Variants in GALNTL6 observed in about 807,000 individuals in gnomAD.
GALNTL6 encodes the protein polypeptide N-acetylgalactosaminyltransferase like 6, also known as polypeptide N-acetylgalactosaminyltransferase-like 6.
Under a neutral mutation model 73.7 loss-of-function variants are expected in GALNTL6, and 46 were observed. The observed-to-expected ratio is 0.62, with a 90% CI of 0.49 to 0.80. The LOEUF is 0.80. Ranked by LOEUF, GALNTL6 falls within the 30% of genes least tolerant of loss-of-function variation. The probability of loss-of-function intolerance (pLI) is 0.00; values close to 1 mark genes in which losing one functional copy is unlikely to be tolerated. For synonymous variants in GALNTL6, 259 were observed against 263.7 expected, an observed-to-expected ratio of 0.98 and a Z score of 0.17; for missense variants, 604 against 755.0, an observed-to-expected ratio of 0.80 and a Z score of 2.34.
chr4:172,832,871 C>T (rs544468163), intron 7 of GALNTL6, among the ~76,000 whole-genome samples: 2 of 152,150 alleles, frequency 1.3e-5, no homozygotes, highest in African/African-American at 4.8e-5. Flanking sequence ...ACAGGTGGTG[C>T]TTGTCTCACC....
chr4:172,716,265 A>G (rs547592717), intron 5 of GALNTL6, among the ~76,000 whole-genome samples: 1 of 152,278 alleles, frequency 6.6e-6, no homozygotes, highest in Non-Finnish European at 1.5e-5. Flanking sequence ...TCCCTGGGCT[A>G]AGAAGCCCTG....
intron 5 of GALNTL6, among the ~76,000 whole-genome samples, chr4:172,733,737 C>T (rs1736287591): frequency 6.6e-6 from 1 of 152,168 alleles, no homozygotes. Context: ...ATTGTGAGGC[C>T]TCCCCAGCCA....
At chr4:172,488,588 T>C (rs1028220353) in intron 5 of GALNTL6, among the ~76,000 whole-genome samples, 3 of 152,102 alleles carry the variant, frequency 2.0e-5, no homozygotes, top group African/African-American at 7.2e-5. Context: ...CCCAAGAAAC[T>C]AGGAAGAAGC....
chr4:172,464,713 A>G (rs940194732), intron 5 of GALNTL6, among the ~76,000 whole-genome samples: 3 of 151,460 alleles, frequency 2.0e-5, no homozygotes, highest in Non-Finnish European at 2.9e-5. Context: ...TGTCTCAAAA[A>G]TAATAATAAT....
intron 7 of GALNTL6, among the ~76,000 whole-genome samples, chr4:172,859,252 A>G (rs1744271717): frequency 6.6e-6 from 1 of 152,186 alleles, no homozygotes; most frequent in Admixed American, 6.5e-5. Context: ...GCCTTGTTGA[A>G]GGAAAATTAT....
rs1483542771 is a variant in GALNTL6 at position 172,719,053 on chromosome 4, C to T, written c.554-90308C>T. On this transcript the variant is annotated intron_variant, in intron 5 of 12. Coordinates refer to ENST00000506823, the MANE Select transcript of GALNTL6 (RefSeq NM_001034845.3). ...GGCAAATGGCCAGACACCTTTCTTT[C>T]GAAAGACATCAAAACGAGTTACCCT... 4.6e-5 allele frequency among the ~76,000 whole-genome samples: 7 copies of T among 152,070 alleles called. No homozygotes were observed. The South Asian group carries it at 1.0e-3, about 23-fold the overall frequency.
intron 5 of GALNTL6, among the ~76,000 whole-genome samples, chr4:172,737,289 T>A (rs938363304): frequency 1.3e-5 from 2 of 152,118 alleles, no homozygotes; most frequent in Non-Finnish European, 2.9e-5. Flanking sequence ...TTGCAGGTGG[T>A]CTTTATTCCT....
rs1312424887 is a variant in GALNTL6, at chr4:172,158,371, CG to C, written c.139-71284del. Among the ~76,000 whole-genome samples the C allele has an allele frequency of 3.3e-5, 5 of 151,596 alleles. No individual in the cohort carries two copies. In the East Asian group the frequency reaches 7.7e-4, roughly 23 times the overall value. ...TTCCCTTTGTGCTGAACTACTTTCC[CG>C]CAGTACATAATTTTCCCCTGGTTAC... On this transcript the variant is annotated intron_variant, in intron 2 of 12. Coordinates refer to ENST00000506823, the MANE Select transcript of GALNTL6 (RefSeq NM_001034845.3).
intron 2 of GALNTL6, among the ~76,000 whole-genome samples, chr4:172,058,900 C>T (rs757334688): frequency 6.6e-6 from 1 of 152,160 alleles, no homozygotes; most frequent in African/African-American, 2.4e-5. Context: ...GATCATTTCT[C>T]TCTTCCAATT....
At chr4:173,017,515 C>T (rs540368913) in intron 11 of GALNTL6, among the ~76,000 whole-genome samples, 8 of 151,996 alleles carry the variant, frequency 5.3e-5, no homozygotes. Flanking sequence ...GACTCAATGC[C>T]TGATTGGTTT....
intron 5 of GALNTL6, among the ~76,000 whole-genome samples, chr4:172,487,315 T>C (rs999369589): frequency 0.015 from 1,775 of 118,582 alleles, 39 homozygotes; most frequent in African/African-American, 0.032. Flanking sequence ...TCTTTCTTTC[T>C]TTCTTTCTTT....
At chr4:171,858,227 A>T (rs968759025) in intron 2 of GALNTL6, among the ~76,000 whole-genome samples, 1 of 152,132 alleles carries the variant, frequency 6.6e-6, no homozygotes, top group Non-Finnish European at 1.5e-5. Flanking sequence ...TTGTATGATC[A>T]TTTTAAGGTA....
intron 10 of GALNTL6, among the ~76,000 whole-genome samples, chr4:172,961,505 G>A (rs534621893): frequency 2.8e-4 from 42 of 152,276 alleles, no homozygotes; most frequent in African/African-American, 7.7e-4. Context: ...CTGAAATGTG[G>A]GTGAATAATC....
At position 171,898,876 on chromosome 4, in the gene GALNTL6, A is replaced by G. The variant is rs144487842; in HGVS notation, c.138+84158A>G. On this transcript the variant is annotated intron_variant, in intron 2 of 12. Coordinates refer to ENST00000506823, the MANE Select transcript of GALNTL6 (RefSeq NM_001034845.3). ...TTGTATATAAATTGTATCAAAATAA[A>G]CTATGGGGAACAATAAGCTATTTGC... is the stretch of plus-strand genomic sequence containing the variant. 2.7e-3 allele frequency among the ~76,000 whole-genome samples: 409 copies of G among 152,194 alleles called. 3 individuals are homozygous for G. Among genetic ancestry groups the G allele is most frequent in the African/African-American group, 9.3e-3 (387 of 41,556 alleles).
At chr4:172,297,912 G>A (rs953783410) in intron 3 of GALNTL6, among the ~76,000 whole-genome samples, 1 of 152,102 alleles carries the variant, frequency 6.6e-6, no homozygotes, top group Non-Finnish European at 1.5e-5. Context: ...GCTTGATGGG[G>A]ATGACATTGA....
chr4:172,868,120 A>G (rs1317212069), intron 7 of GALNTL6, among the ~76,000 whole-genome samples: 2 of 152,236 alleles, frequency 1.3e-5, no homozygotes, highest in Admixed American at 1.3e-4. Context: ...TATTCTATTT[A>G]CAGCCAAAAC....
rs533775172 is a variant in GALNTL6 at position 172,992,797 on chromosome 4, A to G, written c.1372-16381A>G. ...CCTTTGGCTGCATGACTCCTGAGCTATAGTTTCTAATCTTGTGAATAATTT... is the reference window on the plus strand; with the variant it reads ...CCTTTGGCTGCATGACTCCTGAGCTGTAGTTTCTAATCTTGTGAATAATTT... On this transcript the variant is annotated intron_variant, in intron 10 of 12. Coordinates refer to ENST00000506823, the MANE Select transcript of GALNTL6 (RefSeq NM_001034845.3). 1.1e-3 allele frequency among the ~76,000 whole-genome samples: 163 copies of G among 152,326 alleles called. 4 individuals carry two copies. The highest frequency in any genetic ancestry group is 2.5e-3 in the Admixed American group (39 of 15,296).
chr4:172,612,037 G>T (rs1738544772), intron 5 of GALNTL6, among the ~76,000 whole-genome samples: 1 of 151,852 alleles, frequency 6.6e-6, no homozygotes, highest in Non-Finnish European at 1.5e-5. Flanking sequence ...TCTATTTTTT[G>T]AAAAAGTAGG....
At position 172,650,339 on chromosome 4, in the gene GALNTL6, A is replaced by G. The variant is rs148751158; in HGVS notation, c.554-159022A>G. Among the ~76,000 whole-genome samples, 38 of 152,356 alleles carry G rather than the reference A, an allele frequency of 2.5e-4. No homozygotes were observed. The East Asian group carries it at 6.8e-3, about 27-fold the overall frequency. On this transcript the variant is annotated intron_variant, in intron 5 of 12. Coordinates refer to ENST00000506823, the MANE Select transcript of GALNTL6 (RefSeq NM_001034845.3). ...AATAGCAACCAAAGTGAATTCATAT[A>G]TAAATAAATAGATAAAAGTCGCAAT...
Sources: gnomAD v4.1 joint callset for allele counts (sites outside exome capture counted in the v4.1 genomes callset) on GRCh38, gnomAD v4.1.1 for gene constraint, MANE v1.5 for transcripts, NCBI Gene and HGNC (gene_info 2026-07-23, HGNC 2026-07-21) for gene names.